The following MBD2 variants were observed in gnomAD, a reference collection of about 807,000 sequenced individuals.
The protein encoded by MBD2 is methyl-CpG binding domain protein 2, also known as methyl-CpG-binding domain protein 2.
Under a neutral mutation model 39.3 loss-of-function variants are expected in MBD2, and 9 were observed. The ratio of observed to expected loss-of-function variants is 0.23; its 90% CI spans 0.14 to 0.40. MBD2 has a LOEUF of 0.40. MBD2 is among the 10% of genes least tolerant of loss of function. The probability of loss-of-function intolerance (pLI) is 1.00; values close to 1 mark genes in which losing one functional copy is unlikely to be tolerated. For missense variants in MBD2, 458 were observed against 532.6 expected, an observed-to-expected ratio of 0.86 and a Z score of 1.38; for synonymous variants, 233 against 211.1, an observed-to-expected ratio of 1.10 and a Z score of -0.90.
chr18:54,191,278 C>T (rs1311318226), intron 2 of MBD2, among the ~76,000 whole-genome samples: 1 of 152,136 alleles, frequency 6.6e-6, no homozygotes, highest in Non-Finnish European at 1.5e-5. Context: ...ATTAAGGTCT[C>T]AGGTGATATT....
rs79200463 is a variant in MBD2, at chr18:54,192,625, C to T, written c.703-3614G>A. Among the ~76,000 whole-genome samples, 612 of 152,226 alleles carry T rather than the reference C, an allele frequency of 4.0e-3. 6 individuals carry two copies. The highest frequency in any genetic ancestry group is 6.9e-3 in the Admixed American group (105 of 15,296). On this transcript the variant is annotated intron_variant, in intron 2 of 6. Transcript: ENST00000256429. ...GTAGACACACAGAAGTATTTGCAAC[C>T]GTCTGCATGAGTAAACATATTCAAA...
chr18:54,160,366 G>C (rs1182179246), intron 5 of MBD2, among the ~76,000 whole-genome samples: 1 of 152,172 alleles, frequency 6.6e-6, no homozygotes, highest in Admixed American at 6.5e-5. Flanking sequence ...CTGCGGCTAG[G>C]TTAGTTAGGA....
intron 1 of MBD2, among the ~76,000 whole-genome samples, chr18:54,207,409 T>C (rs1308267926): frequency 6.6e-6 from 1 of 152,244 alleles, no homozygotes; most frequent in Non-Finnish European, 1.5e-5. Flanking sequence ...AATTCTATTT[T>C]CATTACAATA....
rs541993866 is a variant in MBD2 at position 54,189,189 on chromosome 18, G to A, written c.703-178C>T. On this transcript the variant is annotated intron_variant, in intron 2 of 6. Transcript: ENST00000256429. ...ACCTAATAAGTGAAACATGTATGAA[G>A]TTTCCTCAAAATATATGAAAAACTT... Among the ~76,000 whole-genome samples the A allele has an allele frequency of 5.3e-5, 8 of 149,672 alleles. No individual in the cohort carries two copies. In the South Asian group the frequency reaches 1.7e-3, roughly 32 times the overall value.
intron 1 of MBD2, among the ~76,000 whole-genome samples, chr18:54,210,517 C>T (rs2086494603): frequency 6.6e-6 from 1 of 152,206 alleles, no homozygotes; most frequent in South Asian, 2.1e-4. Context: ...TCTAATATAG[C>T]AGAAGATACC....
At chr18:54,158,747 G>A (rs117555831) in intron 6 of MBD2, among the ~76,000 whole-genome samples, 5,207 of 152,070 alleles carry the variant, frequency 0.034, 126 homozygotes, top group Non-Finnish European at 0.046. Context: ...TCAGCCTCCC[G>A]AGTAGCTAGA....
chr18:54,160,966 G>C (rs1328771679), intron 5 of MBD2, among the ~76,000 whole-genome samples: 2 of 135,798 alleles, frequency 1.5e-5, no homozygotes, highest in African/African-American at 5.9e-5. Flanking sequence ...ATATACAAAG[G>C]GTTCTACTGA....
At chr18:54,182,109 C>A (rs1346032477) in intron 3 of MBD2, among the ~76,000 whole-genome samples, 1 of 152,056 alleles carries the variant, frequency 6.6e-6, no homozygotes, top group Non-Finnish European at 1.5e-5. Context: ...TTGTTCACTG[C>A]AGTATCCCAT....
chr18:54,168,971 T>G (rs2086158681), intron 3 of MBD2, among the ~76,000 whole-genome samples: 1 of 152,062 alleles, frequency 6.6e-6, no homozygotes, highest in African/African-American at 2.4e-5. Flanking sequence ...CATTTTAAAA[T>G]GCATTTTAAA....
chr18:54,193,082 C>A (rs1017792907), intron 2 of MBD2, among the ~76,000 whole-genome samples: 2 of 152,186 alleles, frequency 1.3e-5, no homozygotes, highest in African/African-American at 4.8e-5. Context: ...TAAAGCTGGA[C>A]TAACTAGTTT....
At position 54,152,030 on chromosome 18, in the gene MBD2, C is replaced by T. The variant is rs1215611008; in HGVS notation, c.*3294G>A. 1 of 152,128 alleles carries T rather than the reference C, an allele frequency of 6.6e-6. No homozygotes were observed. The highest frequency in any genetic ancestry group is 2.4e-5 in the African/African-American group (1 of 41,412). The allele number at this position is 152,128 out of a possible 1,614,324, so 9.4% of individuals were successfully genotyped here. A position where few individuals can be genotyped will look rare whatever the true frequency, so the allele number is the denominator to read the frequency against. On this transcript the variant is annotated 3_prime_UTR_variant, in exon 7 of 7. Transcript: ENST00000256429. ...TGAGGATGAAAAAGCACAATCTCTG[C>T]TTTTACGGTGCTTACAGTCTAATAG...
At chr18:54,172,383 A>G (rs563957329) in intron 3 of MBD2, among the ~76,000 whole-genome samples, 10 of 152,348 alleles carry the variant, frequency 6.6e-5, no homozygotes, top group African/African-American at 2.4e-4. Flanking sequence ...CCACTCCAAG[A>G]AAACACTTCC....
intron 1 of MBD2, 61 bp downstream of exon 1, chr18:54,223,957 C>A: frequency 1.4e-6 from 2 of 1,427,064 alleles, no homozygotes; most frequent in Non-Finnish European, 1.9e-6. Flanking sequence ...TGCCCAGGCC[C>A]GCTCTTGACC....
intron 2 of MBD2, among the ~76,000 whole-genome samples, chr18:54,191,989 G>A (rs1302486834): frequency 6.6e-6 from 1 of 152,194 alleles, no homozygotes; most frequent in African/African-American, 2.4e-5. Context: ...TCTACGAAGT[G>A]TGAGGCTCAG....
At chr18:54,197,980 TAATA>T (rs2086379181) in intron 2 of MBD2, among the ~76,000 whole-genome samples, 1 of 152,230 alleles carries the variant, frequency 6.6e-6, no homozygotes, top group South Asian at 2.1e-4. Context: ...AGCAAGACTT[TAATA>T]ACTGACAAAA....
chr18:54,200,423 A>AT (rs2086397155), intron 2 of MBD2, among the ~76,000 whole-genome samples: 3 of 152,232 alleles, frequency 2.0e-5, no homozygotes. Flanking sequence ...CTAAAACACT[A>AT]AAATAAACTT....
chr18:54,179,241 A>C (rs1453999638), intron 3 of MBD2, among the ~76,000 whole-genome samples: 1 of 152,222 alleles, frequency 6.6e-6, no homozygotes, highest in Non-Finnish European at 1.5e-5. Context: ...CCATAAAAAA[A>C]ATAGGCTGAG....
chr18:54,212,488 T>A (rs1462184014), intron 1 of MBD2, among the ~76,000 whole-genome samples: 1 of 152,214 alleles, frequency 6.6e-6, no homozygotes, highest in South Asian at 2.1e-4. Context: ...ATGAACTTAC[T>A]TGACGTCAGA....
intron 1 of MBD2, among the ~76,000 whole-genome samples, chr18:54,221,787 T>G (rs931583334): frequency 1.3e-5 from 2 of 152,018 alleles, no homozygotes; most frequent in Non-Finnish European, 2.9e-5. Context: ...TAAAATAAAT[T>G]TAACATCAGA....
Sources: gnomAD v4.1 joint callset for allele counts (sites outside exome capture counted in the v4.1 genomes callset) on GRCh38, gnomAD v4.1.1 for gene constraint, MANE v1.5 for transcripts, NCBI Gene and HGNC (gene_info 2026-07-23, HGNC 2026-07-21) for gene names.